Variants in KIAA1328 observed in about 807,000 individuals in gnomAD.
The protein encoded by KIAA1328 is KIAA1328.
In KIAA1328, 52 loss-of-function variants were observed where a neutral mutation model predicts 68.1. That is an observed-to-expected ratio of 0.76 (90% CI 0.61 to 0.96). The LOEUF (loss-of-function observed/expected upper bound fraction) is 0.96. KIAA1328 is among the 40% of genes least tolerant of loss of function. KIAA1328 has a pLI of 0.00. For synonymous variants in KIAA1328, 232 were observed against 239.4 expected (o/e 0.97, Z 0.28); for missense variants, 641 against 677.6 (o/e 0.95, Z 0.60).
intron 4 of KIAA1328, among the ~76,000 whole-genome samples, chr18:36,856,669 A>G (rs2047394257): frequency 6.6e-6 from 1 of 152,182 alleles, no homozygotes; most frequent in East Asian, 1.9e-4. Context: ...TATGTAAGCT[A>G]TCTCAATGTA....
intron 5 of KIAA1328, among the ~76,000 whole-genome samples, chr18:36,926,454 C>T (rs566824571): frequency 1.3e-5 from 2 of 151,940 alleles, no homozygotes; most frequent in Non-Finnish European, 2.9e-5. Flanking sequence ...CAGTACCATT[C>T]TCACACATCG....
At chr18:37,021,365 G>A (rs1168501386) in intron 6 of KIAA1328, among the ~76,000 whole-genome samples, 2 of 152,086 alleles carry the variant, frequency 1.3e-5, no homozygotes, top group Non-Finnish European at 2.9e-5. Context: ...ACATTATTCT[G>A]TTCGATATTA....
At chr18:36,909,408 T>C (rs1014706521) in intron 5 of KIAA1328, among the ~76,000 whole-genome samples, 8 of 152,030 alleles carry the variant, frequency 5.3e-5, no homozygotes, top group Admixed American at 2.0e-4. Flanking sequence ...CCTGCGATAG[T>C]TTGCTGAGAA....
intron 5 of KIAA1328, chr18:36,903,705 G>T (rs1377680416): frequency 6.6e-6 from 1 of 152,116 alleles, no homozygotes; most frequent in Non-Finnish European, 1.5e-5. Flanking sequence ...GAAAGAATGA[G>T]TATTAAATGC....
intron 6 of KIAA1328, among the ~76,000 whole-genome samples, chr18:37,012,427 A>G (rs1374059541): frequency 6.6e-6 from 1 of 152,182 alleles, no homozygotes; most frequent in Non-Finnish European, 1.5e-5. Context: ...TGTTTTCACC[A>G]TTGTGCTTGC....
chr18:37,097,073 G>A (rs1191939615), intron 7 of KIAA1328, among the ~76,000 whole-genome samples: 2 of 152,098 alleles, frequency 1.3e-5, no homozygotes, highest in Non-Finnish European at 2.9e-5. Flanking sequence ...AAGCTCTTTA[G>A]TTTGATTAGA....
intron 7 of KIAA1328, among the ~76,000 whole-genome samples, chr18:37,128,387 C>T (rs1180443605): frequency 6.6e-6 from 1 of 152,080 alleles, no homozygotes; most frequent in African/African-American, 2.4e-5. Context: ...GGCACGAAAA[C>T]CCTTGAACCT....
At chr18:36,992,761 A>T (rs1363298707) in intron 6 of KIAA1328, among the ~76,000 whole-genome samples, 1 of 152,206 alleles carries the variant, frequency 6.6e-6, no homozygotes, top group Non-Finnish European at 1.5e-5. Context: ...TTCCTGGCAG[A>T]GGGTGTAGCA....
intron 4 of KIAA1328, among the ~76,000 whole-genome samples, chr18:36,875,976 T>C (rs1325514603): frequency 6.6e-6 from 1 of 152,148 alleles, no homozygotes; most frequent in Admixed American, 6.5e-5. Flanking sequence ...ATTTATTGAT[T>C]TGTGTATGTT....
At chr18:36,875,362 C>G (rs891263345) in intron 4 of KIAA1328, among the ~76,000 whole-genome samples, 1 of 152,120 alleles carries the variant, frequency 6.6e-6, no homozygotes, top group Non-Finnish European at 1.5e-5. Flanking sequence ...GTGTGTAGTT[C>G]TCCTTGAAGA....
intron 6 of KIAA1328, among the ~76,000 whole-genome samples, chr18:36,997,101 C>T (rs998729441): frequency 5.3e-5 from 8 of 152,028 alleles, no homozygotes; most frequent in South Asian, 2.1e-4. Flanking sequence ...TCCTCTCCAT[C>T]CCCACCTGTG....
chr18:37,139,259 G>T (rs1013140079), intron 7 of KIAA1328, among the ~76,000 whole-genome samples: 2 of 152,030 alleles, frequency 1.3e-5, no homozygotes, highest in African/African-American at 2.4e-5. Context: ...CACCGTGCCC[G>T]GCCAAAATGT....
At chr18:37,057,096 T>A (rs2055940804) in intron 6 of KIAA1328, among the ~76,000 whole-genome samples, 1 of 152,234 alleles carries the variant, frequency 6.6e-6, no homozygotes, top group Non-Finnish European at 1.5e-5. Context: ...TGTTCATTCA[T>A]GTAGCTCATT....
At chr18:36,837,994 C>T (rs1430523169) in intron 3 of KIAA1328, among the ~76,000 whole-genome samples, 1 of 152,086 alleles carries the variant, frequency 6.6e-6, no homozygotes, top group Non-Finnish European at 1.5e-5. Flanking sequence ...TCTTCTTTTT[C>T]AAGATTGTTT....
intron 5 of KIAA1328, among the ~76,000 whole-genome samples, chr18:36,918,639 T>C (rs1188313557): frequency 6.6e-6 from 1 of 152,162 alleles, no homozygotes; most frequent in African/African-American, 2.4e-5. Flanking sequence ...GGTTTTGAAC[T>C]CCTGACCTCA....
At chr18:37,055,655 A>G (rs1337127291) in intron 6 of KIAA1328, among the ~76,000 whole-genome samples, 2 of 152,190 alleles carry the variant, frequency 1.3e-5, no homozygotes, top group Non-Finnish European at 2.9e-5. Context: ...CTTCTTTTAC[A>G]TTAACTCCAG....
At chr18:37,007,202 C>T (rs1201420147) in intron 6 of KIAA1328, among the ~76,000 whole-genome samples, 1 of 152,098 alleles carries the variant, frequency 6.6e-6, no homozygotes, top group East Asian at 1.9e-4. Flanking sequence ...GTAAACAAAT[C>T]CTTTTGTCTT....
chr18:37,109,373 A>T (rs1229650575), intron 7 of KIAA1328, among the ~76,000 whole-genome samples: 1 of 152,144 alleles, frequency 6.6e-6, no homozygotes, highest in East Asian at 1.9e-4. Context: ...AAAACATGTT[A>T]CCCCTCGTAT....
chr18:36,996,633 TAA>T (rs2053402506), intron 6 of KIAA1328, among the ~76,000 whole-genome samples: 2 of 152,036 alleles, frequency 1.3e-5, no homozygotes, highest in African/African-American at 4.8e-5. Context: ...AAGAAGTGAA[TAA>T]ATGGGGATGA....
Sources: allele counts gnomAD v4.1 joint callset (sites outside exome capture counted in the v4.1 genomes callset), GRCh38; gene constraint gnomAD v4.1.1; transcripts MANE v1.5; gene names NCBI Gene and HGNC (gene_info 2026-07-23, HGNC 2026-07-21).